Variants in RBFOX1 observed in about 807,000 individuals in gnomAD.
The protein encoded by RBFOX1 is RNA binding fox-1 homolog 1.
A neutral mutation model predicts 57.7 loss-of-function variants in RBFOX1; 8 were observed. The observed-to-expected ratio is 0.14, with a 90% CI of 0.08 to 0.25. RBFOX1 has a LOEUF of 0.25. RBFOX1 is among the 10% of genes least tolerant of loss of function. The pLI, the probability that RBFOX1 is intolerant of heterozygous loss-of-function variation, is 1.00. For synonymous variants in RBFOX1, 326 were observed against 222.4 expected (o/e 1.47, Z -4.15); for missense variants, 611 against 548.5 (o/e 1.11, Z -1.14).
At chr16:7,053,198 C>T (rs555850657) in intron 4 of RBFOX1, among the ~76,000 whole-genome samples, 6 of 152,166 alleles carry the variant, frequency 3.9e-5, no homozygotes, top group Non-Finnish European at 8.8e-5. Context: ...AAATAAACAA[C>T]AGAATCCAGG....
At chr16:6,785,027 G>A (rs1476103999) in intron 3 of RBFOX1, among the ~76,000 whole-genome samples, 2 of 151,678 alleles carry the variant, frequency 1.3e-5, no homozygotes, top group Non-Finnish European at 2.9e-5. Context: ...GCACTTCTGA[G>A]TGAAAAAAAA....
At chr16:6,703,217 T>C (rs989848375) in intron 3 of RBFOX1, among the ~76,000 whole-genome samples, 4 of 152,228 alleles carry the variant, frequency 2.6e-5, no homozygotes, top group Admixed American at 2.0e-4. Context: ...CTACTGTAAA[T>C]AATGCTTCTA....
At chr16:6,573,595 A>T (rs2097375478) in intron 2 of RBFOX1, among the ~76,000 whole-genome samples, 1 of 152,202 alleles carries the variant, frequency 6.6e-6, no homozygotes, top group African/African-American at 2.4e-5. Context: ...TTTGAAAGGA[A>T]GCGGTGTTTT....
intron 2 of RBFOX1, among the ~76,000 whole-genome samples, chr16:5,472,906 C>T (rs1307458061): frequency 6.6e-6 from 1 of 152,170 alleles, no homozygotes; most frequent in African/African-American, 2.4e-5. Flanking sequence ...GGGGATCCAG[C>T]AGAAACACAT....
intron 3 of RBFOX1, among the ~76,000 whole-genome samples, chr16:7,040,170 G>A (rs879473053): frequency 4.0e-5 from 6 of 151,812 alleles, no homozygotes; most frequent in Non-Finnish European, 5.9e-5. Flanking sequence ...ACAGGTGCCC[G>A]CCACCATGCT....
chr16:6,775,246 C>T (rs1337727284), intron 3 of RBFOX1, among the ~76,000 whole-genome samples: 1 of 143,600 alleles, frequency 7.0e-6, no homozygotes, highest in African/African-American at 2.6e-5. Context: ...AGGAGAAAGG[C>T]GTGAAACCGG....
intron 4 of RBFOX1, among the ~76,000 whole-genome samples, chr16:5,929,645 ATAGTGTT>A (rs1434442977): frequency 6.6e-6 from 1 of 152,232 alleles, no homozygotes; most frequent in East Asian, 1.9e-4. Context: ...GAAAGACTTC[ATAGTGTT>A]TAAGAATGTA....
chr16:6,854,874 G>T (rs968140533), intron 3 of RBFOX1, among the ~76,000 whole-genome samples: 1 of 151,976 alleles, frequency 6.6e-6, no homozygotes, highest in African/African-American at 2.4e-5. Flanking sequence ...GATTACAGGC[G>T]TGAGCCACCG....
chr16:6,358,180 A>C (rs1032667863), intron 2 of RBFOX1, among the ~76,000 whole-genome samples: 23 of 152,108 alleles, frequency 1.5e-4, no homozygotes, highest in African/African-American at 5.6e-4. Context: ...TAATGTGCAG[A>C]TCCATGAAAC....
At chr16:5,714,566 G>A (rs371738806) in intron 3 of RBFOX1, among the ~76,000 whole-genome samples, 32 of 152,138 alleles carry the variant, frequency 2.1e-4, no homozygotes, top group African/African-American at 7.2e-4. Context: ...CCTTACAATC[G>A]AATGTCACTG....
chr16:6,103,814 C>G (rs2096344624), intron 1 of RBFOX1, among the ~76,000 whole-genome samples: 1 of 152,098 alleles, frequency 6.6e-6, no homozygotes, highest in Admixed American at 6.6e-5. Context: ...CTCCCTGGGG[C>G]CCTAGAAAGA....
intron 2 of RBFOX1, among the ~76,000 whole-genome samples, chr16:5,468,272 A>G (rs75808714): frequency 0.096 from 14,622 of 152,244 alleles, 782 homozygotes; most frequent in Middle Eastern, 0.15. Flanking sequence ...TTGGGCAATC[A>G]CTACCTCTCT....
At chr16:5,608,273 T>G (rs2047658178) in intron 3 of RBFOX1, among the ~76,000 whole-genome samples, 1 of 152,166 alleles carries the variant, frequency 6.6e-6, no homozygotes, top group South Asian at 2.1e-4. Flanking sequence ...GGGTCAGTGT[T>G]GCAAGGGTGT....
chr16:6,969,549 A>G (rs950282064), intron 3 of RBFOX1, among the ~76,000 whole-genome samples: 6 of 152,046 alleles, frequency 3.9e-5, no homozygotes, highest in African/African-American at 1.2e-4. Context: ...ACACTGGGCA[A>G]CAAAATGAGA....
intron 4 of RBFOX1, among the ~76,000 whole-genome samples, chr16:7,474,903 T>C (rs1464647639): frequency 6.6e-6 from 1 of 152,210 alleles, no homozygotes; most frequent in African/African-American, 2.4e-5. Context: ...CTTCGTCTCA[T>C]ATATTTTCCA....
At chr16:5,770,859 C>A (rs1034157854) in intron 3 of RBFOX1, among the ~76,000 whole-genome samples, 1 of 152,218 alleles carries the variant, frequency 6.6e-6, no homozygotes, top group African/African-American at 2.4e-5. Flanking sequence ...TTGATCACGG[C>A]ACTCTTTTTC....
chr16:7,023,225 C>T (rs1331571898), intron 3 of RBFOX1, among the ~76,000 whole-genome samples: 1 of 151,892 alleles, frequency 6.6e-6, no homozygotes, highest in South Asian at 2.1e-4. Flanking sequence ...GACTATAATC[C>T]TATCACTTTG....
chr16:6,178,372 A>G (rs1038288000), intron 1 of RBFOX1, among the ~76,000 whole-genome samples: 3 of 151,564 alleles, frequency 2.0e-5, no homozygotes, highest in African/African-American at 4.9e-5. Flanking sequence ...TTTAGTATAG[A>G]TGGGGTTTTG....
intron 2 of RBFOX1, among the ~76,000 whole-genome samples, chr16:6,331,030 C>A (rs145347847): frequency 1.3e-5 from 2 of 152,284 alleles, no homozygotes; most frequent in East Asian, 1.9e-4. Flanking sequence ...GTGCCTTGGG[C>A]AGCTCTTAAG....
Sources: gnomAD v4.1 joint callset for allele counts (sites outside exome capture counted in the v4.1 genomes callset) on GRCh38, gnomAD v4.1.1 for gene constraint, MANE v1.5 for transcripts, NCBI Gene and HGNC (gene_info 2026-07-23, HGNC 2026-07-21) for gene names.